Variants in CEP290 observed in about 807,000 individuals in gnomAD.
CEP290 encodes centrosomal protein 290, also known as centrosomal protein of 290 kDa.
In CEP290, 317 loss-of-function variants were observed where a neutral mutation model predicts 344.9. The ratio of observed to expected loss-of-function variants is 0.92; its 90% CI spans 0.84 to 1.01. The LOEUF is 1.01. CEP290 is among the 50% of genes least tolerant of loss of function. The probability of loss-of-function intolerance (pLI) is 0.00; values close to 1 mark genes in which losing one functional copy is unlikely to be tolerated. For missense variants in CEP290, 2,754 were observed against 2,761.4 expected, an observed-to-expected ratio of 1.00 and a Z score of 0.06; for synonymous variants, 932 against 895.8, an observed-to-expected ratio of 1.04 and a Z score of -0.72.
At chr12:88,108,961 GGAA>G (rs1341910607) in intron 23 of CEP290, 102 bp downstream of exon 23, 35 of 484,214 alleles carry the variant, frequency 7.2e-5, no homozygotes, top group South Asian at 1.9e-4. Context: ...CAATTGCAAA[GGAA>G]GAAGAAGAAG....
At position 88,121,130 on chromosome 12, in the gene CEP290, A is replaced by G. The variant is rs758783379; in HGVS notation, c.1226T>C (p.Ile409Thr). The change falls in exon 14 of 54, where the codon ATT becomes ACT. Residue 409 changes from isoleucine (I) to threonine (T), a missense_variant. By Grantham distance (89) the Ile-to-Thr change is moderately conservative. Coordinates refer to ENST00000552810, the MANE Select transcript of CEP290 (RefSeq NM_025114.4). ...STLSQQTHMK[I>T]QSTLDILKEK... ...TTTTAAAATGTCTAACGTTGACTGAATTTTCATATGAGTCTGTTGAGAAAG... is the reference window on the plus strand; with the variant it reads ...TTTTAAAATGTCTAACGTTGACTGAGTTTTCATATGAGTCTGTTGAGAAAG... The G allele has an allele frequency of 1.2e-6, 2 of 1,613,252 alleles. No homozygotes were observed. The highest frequency in any genetic ancestry group is 2.7e-5 in the African/African-American group (2 of 74,878).
intron 18 of CEP290, chr12:88,115,574 A>C: frequency 7.8e-7 from 1 of 1,285,384 alleles, no homozygotes; most frequent in Non-Finnish European, 1.0e-6. Flanking sequence ...TTTCATTCTA[A>C]AGAAAAATTT....
chr12:88,083,227 A>C lies in CEP290; in HGVS notation c.4816T>G (p.Leu1606Val). 1.4e-6 allele frequency: 2 copies of C among 1,449,094 alleles called. No homozygotes were observed. The highest frequency in any genetic ancestry group is 1.8e-6 in the Non-Finnish European group (2 of 1,099,382). The allele number at this position is 1,449,094 out of a possible 1,614,324, so 89.8% of individuals were successfully genotyped here. The change falls in exon 37 of 54, where the codon TTA becomes GTA. Residue 1606 changes from leucine to valine, a missense_variant. Physicochemically the swap from Leu to Val is conservative, Grantham distance 32. Coordinates refer to ENST00000552810, the MANE Select transcript of CEP290 (RefSeq NM_025114.4). ...LNKFKQTAWD[L>V]MKQSPTPVPT... The stretch of plus-strand genomic sequence containing the variant: ...ACTGGAGTGGGAGACTGTTTCATTA[A>C]ATCCTATAAAATATGAATATATTAG...
At chr12:88,121,242 AAGAAAAG>A in intron 13 of CEP290, 76 bp from the exon 14 acceptor site, 8 of 1,076,642 alleles carry the variant, frequency 7.4e-6, no homozygotes, top group Non-Finnish European at 1.1e-5. Context: ...ACATGGTGGC[AAGAAAAG>A]TGGTATGCCA....
At chr12:88,114,048 C>T (rs1678143517) in intron 20 of CEP290, among the ~76,000 whole-genome samples, 2 of 151,942 alleles carry the variant, frequency 1.3e-5, no homozygotes, top group Admixed American at 6.6e-5. Flanking sequence ...TCTTTCTCAT[C>T]TAGAAAACCA....
chr12:88,139,370 A>G, intron 4 of CEP290, 125 bp downstream of exon 4: 2 of 542,936 alleles, frequency 3.7e-6, no homozygotes, highest in South Asian at 5.8e-5. Flanking sequence ...TTATTATTAA[A>G]TGTTATATAT....
Position 88,131,163 on chromosome 12 carries a change from A to C in CEP290, c.495+2T>G. ...ACCACCACAACTACTAAAATTTTTT[A>C]CCTCTCTTCTTAATTTGCTGTTTTC... On this transcript the variant is annotated splice_donor_variant, in intron 7 of 53. Transcript: ENST00000552810. LOFTEE classifies it high-confidence loss of function. 6.6e-7 allele frequency: 1 copy of C among 1,513,754 alleles called. No homozygotes were observed. The highest frequency in any genetic ancestry group is 1.4e-5 in the South Asian group (1 of 73,358). 93.8% of individuals were successfully genotyped at this position (1,513,754 alleles called of 1,614,324 possible).
In CEP290 at chr12:88,059,972, G is replaced by C. The variant is rs769798212; in HGVS notation, c.6571C>G (p.His2191Asp). Residue 2191 changes from histidine to aspartate, a missense_variant, in exon 48 of 54, where the codon CAC becomes GAC. Transcript: ENST00000552810. Reference sequence around the variant, plus strand: ...GTGCCTTTGGTCTTGGATTCATAGTGCATGCTCAACTGATGCCCAAGATGA... The same window carrying C: ...GTGCCTTTGGTCTTGGATTCATAGTCCATGCTCAACTGATGCCCAAGATGA... Reference protein sequence around the residue: ...KAHLGHQLSMHYESKTKGTEK... With the variant: ...KAHLGHQLSMDYESKTKGTEK... 19 of 1,584,954 alleles carry C rather than the reference G, an allele frequency of 1.2e-5. No individual in the cohort carries two copies. Among genetic ancestry groups the C allele is most frequent in the Non-Finnish European group, 1.6e-5 (19 of 1,165,672 alleles).
intron 13 of CEP290, among the ~76,000 whole-genome samples, chr12:88,124,586 GTATA>G (rs898527990): frequency 6.6e-6 from 1 of 150,724 alleles, no homozygotes; most frequent in Non-Finnish European, 1.5e-5. Flanking sequence ...GTGTATATAT[GTATA>G]TATATATGAC....
chr12:88,121,250 T>C (rs1592643487), intron 13 of CEP290, 84 bp from the exon 14 acceptor site: 18 of 948,668 alleles, frequency 1.9e-5, no homozygotes, highest in Non-Finnish European at 2.8e-5. Flanking sequence ...GCAAGAAAAG[T>C]GGTATGCCAT....
intron 41 of CEP290, among the ~76,000 whole-genome samples, chr12:88,075,401 A>G (rs1460037081): frequency 6.6e-6 from 1 of 152,012 alleles, no homozygotes; most frequent in Non-Finnish European, 1.5e-5. Context: ...TCAGAATAAT[A>G]TTATTATAAC....
rs1464467749 is a variant in CEP290, at chr12:88,058,957, T to C, written c.6709A>G (p.Met2237Val). Reference protein sequence around the residue: ...KNNLEILNEKMTVQLEETGKR... With the variant: ...KNNLEILNEKVTVQLEETGKR... ...CCAGTCTCTTCTAGTTGAACTGTCATCTTCTCATTTAATATCTCTAAATTA... is the reference window on the plus strand; with the variant it reads ...CCAGTCTCTTCTAGTTGAACTGTCACCTTCTCATTTAATATCTCTAAATTA... The change falls in exon 49 of 54, where the codon ATG becomes GTG. Residue 2237 changes from methionine to valine, a missense_variant. Coordinates refer to ENST00000552810, the MANE Select transcript of CEP290 (RefSeq NM_025114.4). The C allele has an allele frequency of 1.2e-6, 2 of 1,613,640 alleles. No homozygotes were observed. The highest frequency in any genetic ancestry group is 2.2e-5 in the South Asian group (2 of 91,020).
At chr12:88,092,081 A>G (rs539786087) in intron 29 of CEP290, among the ~76,000 whole-genome samples, 1 of 152,166 alleles carries the variant, frequency 6.6e-6, no homozygotes, top group African/African-American at 2.4e-5. Flanking sequence ...CCCAGCCAGC[A>G]CGCAGTATTT....
intron 21 of CEP290, 141 bp downstream of exon 21, chr12:88,111,553 G>C: frequency 1.2e-6 from 1 of 846,204 alleles, no homozygotes. Flanking sequence ...AATTTTATAA[G>C]AGAAATCCAG....
chr12:88,089,446 T>A lies in CEP290; in HGVS notation c.3615A>T (p.Gln1205His). ...CACTCAGTTGAAGAGAGACATTATGTTGGTGCAACTTGGCAATGAGCGACT... is the reference window on the plus strand; with the variant it reads ...CACTCAGTTGAAGAGAGACATTATGATGGTGCAACTTGGCAATGAGCGACT... ...DEKSLIAKLHQHNVSLQLSEA... is the reference protein window; with the variant it reads ...DEKSLIAKLHHHNVSLQLSEA... Residue 1205 changes from glutamine (Q) to histidine (H), a missense_variant, in exon 31 of 54, where the codon CAA (glutamine) becomes CAT (histidine). Physicochemically the swap from Gln to His is conservative, Grantham distance 24. Coordinates refer to ENST00000552810, the MANE Select transcript of CEP290 (RefSeq NM_025114.4). The A allele has an allele frequency of 6.3e-7, 1 of 1,581,726 alleles. No individual in the cohort carries two copies.
intron 25 of CEP290, 180 bp from the exon 26 acceptor site, chr12:88,103,191 T>A (rs903832280): frequency 2.6e-6 from 1 of 384,306 alleles, no homozygotes; most frequent in Non-Finnish European, 4.6e-6. Flanking sequence ...ATAAGAAATG[T>A]TACTTTGAAA....
chr12:88,063,694 A>G (rs2034663899), intron 45 of CEP290, among the ~76,000 whole-genome samples: 1 of 152,062 alleles, frequency 6.6e-6, no homozygotes, highest in Admixed American at 6.5e-5. Flanking sequence ...ACATCAGATG[A>G]CATACTATTT....
intron 25 of CEP290, among the ~76,000 whole-genome samples, 197 bp downstream of exon 25, chr12:88,106,477 CA>C (rs1416038048): frequency 6.6e-6 from 1 of 151,920 alleles, no homozygotes; most frequent in Admixed American, 6.6e-5. Context: ...AAGCCTTTTT[CA>C]AAAGGGTACA....
At chr12:88,118,179 G>C (rs2039172052) in intron 17 of CEP290, among the ~76,000 whole-genome samples, 1 of 151,780 alleles carries the variant, frequency 6.6e-6, no homozygotes, top group Middle Eastern at 3.2e-3. Context: ...ACAACATATT[G>C]GTGCTGTCTA....
Sources: gnomAD v4.1 joint callset for allele counts (sites outside exome capture counted in the v4.1 genomes callset) on GRCh38, gnomAD v4.1.1 for gene constraint, MANE v1.5 for transcripts, NCBI Gene and HGNC (gene_info 2026-07-23, HGNC 2026-07-21) for gene names.